MROH1: variants seen among roughly 807,000 people sequenced by gnomAD.
MROH1 encodes the protein maestro heat-like repeat-containing protein family member 1.
In MROH1, 117 loss-of-function variants were observed where a neutral mutation model predicts 116.5. That is an observed-to-expected ratio of 1.00 (90% CI 0.86 to 1.17). The LOEUF (loss-of-function observed/expected upper bound fraction) is 1.17, where lower values mean the gene tolerates loss of function less well. Ranked by LOEUF, MROH1 falls within the 50% of genes most tolerant of loss-of-function variation. The probability of loss-of-function intolerance (pLI) is 0.00; values close to 1 mark genes in which losing one functional copy is unlikely to be tolerated. For missense variants in MROH1, 1,873 were observed against 1,338.5 expected (o/e 1.40, Z -6.23); for synonymous variants, 921 against 583.9 (o/e 1.58, Z -8.32).
intron 12 of MROH1, among the ~76,000 whole-genome samples, chr8:144,210,644 G>A (rs1028892893): frequency 2.0e-5 from 3 of 151,998 alleles, no homozygotes; most frequent in African/African-American, 7.3e-5. Context: ...AGCCAAGATC[G>A]TGCCACTGCA....
chr8:144,244,257 C>G lies in MROH1; in HGVS notation c.2591C>G (p.Ala864Gly). 1 of 718,416 alleles carries G rather than the reference C, an allele frequency of 1.4e-6. No individual in the cohort carries two copies. Among genetic ancestry groups the G allele is most frequent in the South Asian group, 1.5e-5 (1 of 67,592 alleles). The allele number at this position is 718,416 out of a possible 1,614,324, so 44.5% of individuals were successfully genotyped here. Residue 864 changes from alanine (A) to glycine (G), a missense_variant, in exon 27 of 44, where the codon GCG becomes GGG. By Grantham distance (60) the Ala-to-Gly change is moderately conservative. Coordinates refer to ENST00000326134, the MANE Select transcript of MROH1 (RefSeq NM_032450.3). The part of the protein sequence containing the change: ...VEPALDEQAR[A>G]DVIHGCLHSI... ...CCAGCGCTGGACGAGCAGGCCCGGG[C>G]GGATGTGATCCATGGCTGCCTGCAC...
chr8:144,206,775 G>T (rs1832910265), intron 12 of MROH1, among the ~76,000 whole-genome samples: 1 of 150,882 alleles, frequency 6.6e-6, no homozygotes, highest in African/African-American at 2.4e-5. Flanking sequence ...GCTCACGCCT[G>T]TAATCCCAGA....
At chr8:144,160,092 A>C (rs1819147992) in intron 1 of MROH1, among the ~76,000 whole-genome samples, 1 of 152,146 alleles carries the variant, frequency 6.6e-6, no homozygotes, top group Admixed American at 6.6e-5. Context: ...TTTTGATTGG[A>C]TGCCAGGCGT....
At chr8:144,196,057 G>A (rs900419353) in intron 10 of MROH1, among the ~76,000 whole-genome samples, 6 of 151,842 alleles carry the variant, frequency 4.0e-5, no homozygotes, top group Admixed American at 2.0e-4. Flanking sequence ...TTGGGAGGCC[G>A]AGGCGGGCAA....
chr8:144,173,728 A>T (rs1444957043), intron 4 of MROH1, among the ~76,000 whole-genome samples: 1 of 152,038 alleles, frequency 6.6e-6, no homozygotes. Flanking sequence ...CAGCCATAGG[A>T]TTCTTCTTCT....
intron 3 of MROH1, among the ~76,000 whole-genome samples, 159 bp downstream of exon 3, chr8:144,164,007 G>A (rs986807378): frequency 1.3e-5 from 2 of 152,030 alleles, no homozygotes; most frequent in Non-Finnish European, 2.9e-5. Flanking sequence ...TGATGTGGCA[G>A]GTGTAGACTT....
At chr8:144,190,763 T>A (rs1242296563) in intron 7 of MROH1, 21 bp from the exon 8 acceptor site, 1 of 1,608,994 alleles carries the variant, frequency 6.2e-7, no homozygotes, top group African/African-American at 1.3e-5. Flanking sequence ...TGCAGCCACT[T>A]ACCACTGGCC....
chr8:144,212,188 A>T (rs1236068399), intron 12 of MROH1, among the ~76,000 whole-genome samples: 2 of 151,944 alleles, frequency 1.3e-5, no homozygotes, highest in Admixed American at 6.6e-5. Flanking sequence ...GGCTTAAGGG[A>T]TCCTCCTGTC....
chr8:144,188,384 C>T (rs1011945676), intron 7 of MROH1, among the ~76,000 whole-genome samples: 10 of 151,528 alleles, frequency 6.6e-5, no homozygotes, highest in South Asian at 2.1e-4. Context: ...TGGCCCTCTG[C>T]ACCACATGTG....
At chr8:144,157,198 C>T (rs1476392338) in intron 1 of MROH1, among the ~76,000 whole-genome samples, 3 of 151,894 alleles carry the variant, frequency 2.0e-5, no homozygotes, top group Non-Finnish European at 1.5e-5. Context: ...CCTTATGATC[C>T]GCCTGCCTCA....
In MROH1 at chr8:144,255,556, C is replaced by G. The variant is rs781846870; in HGVS notation, c.3642C>G (p.Pro1214=). The change falls in exon 35 of 44, where the codon CCC becomes CCG. Residue 1214 remains proline, a synonymous_variant. Transcript: ENST00000326134. ...FEVMSTPAAG[P]AVLELYPQLF... is the part of the protein sequence containing the mutation. The stretch of plus-strand genomic sequence containing the variant: ...TCATGTCCACGCCTGCAGCGGGGCC[C>G]GCGGTGCTCGAGCTCTACCCCCAGC... 1.3e-6 allele frequency: 1 copy of G among 779,140 alleles called. No homozygotes were observed. Among genetic ancestry groups the G allele is most frequent in the Non-Finnish European group, 2.4e-6 (1 of 417,778 alleles). 48.3% of individuals were successfully genotyped at this position (779,140 alleles called of 1,614,324 possible).
At chr8:144,231,489 C>A (rs1322824199) in intron 14 of MROH1, among the ~76,000 whole-genome samples, 1 of 152,130 alleles carries the variant, frequency 6.6e-6, no homozygotes, top group African/African-American at 2.4e-5. Flanking sequence ...GGACTAATTT[C>A]ATTATTGTTG....
intron 25 of MROH1, 66 bp from the exon 26 acceptor site, chr8:144,243,797 G>C: frequency 1.3e-6 from 1 of 746,850 alleles, no homozygotes; most frequent in Non-Finnish European, 2.5e-6. Context: ...CTGGGGGACA[G>C]AGCTTGACCA....
Position 144,180,578 on chromosome 8 carries a change from TC to T in MROH1, c.562+58del. 1.3e-6 allele frequency: 2 copies of T among 1,537,156 alleles called. No individual in the cohort carries two copies. The highest frequency in any genetic ancestry group is 1.8e-6 in the Non-Finnish European group (2 of 1,126,292). On this transcript the variant is annotated intron_variant, in intron 7 of 43. Coordinates refer to ENST00000326134, the MANE Select transcript of MROH1 (RefSeq NM_032450.3). This position sits in a 1 kb window ranked among gnomAD's most constrained non-coding sequence, Gnocchi z 7.4. ...CAAGTGCCCCTTTGTGGGGGGCTGT[TC>T]CCGGGCATGCCTGTTTTAGGGGGGA...
intron 12 of MROH1, among the ~76,000 whole-genome samples, chr8:144,219,667 A>G (rs11991199): frequency 0.074 from 11,236 of 152,182 alleles, 1,423 homozygotes; most frequent in African/African-American, 0.26. Flanking sequence ...ACAAGGGAGT[A>G]TACCAAACCC....
Position 144,260,323 on chromosome 8 carries a change from G to A in MROH1, c.4329G>A (p.Leu1443=). The change falls in exon 39 of 44, where the codon CTG becomes CTA. Residue 1443 remains leucine (L), a synonymous_variant. Coordinates refer to ENST00000326134, the MANE Select transcript of MROH1 (RefSeq NM_032450.3). ...RLVHLVESWD[L]RSGLLHVAIR... Reference sequence around the variant, plus strand: ...TGCACCTGGTGGAGTCCTGGGACCTGCGCTCAGGGCTGCTGCACGTGGCCA... The same window carrying A: ...TGCACCTGGTGGAGTCCTGGGACCTACGCTCAGGGCTGCTGCACGTGGCCA... 2 of 743,838 alleles carry A rather than the reference G, an allele frequency of 2.7e-6. No individual in the cohort carries two copies. The highest frequency in any genetic ancestry group is 2.5e-6 in the Non-Finnish European group (1 of 405,908). The allele number at this position is 743,838 out of a possible 1,614,324, so 46.1% of individuals were successfully genotyped here. A position where few individuals can be genotyped will look rare whatever the true frequency, so the allele number is the denominator to read the frequency against.
intron 14 of MROH1, among the ~76,000 whole-genome samples, chr8:144,228,112 G>GT (rs1157250561): frequency 2.0e-5 from 3 of 147,026 alleles, no homozygotes; most frequent in African/African-American, 7.6e-5. Flanking sequence ...GCATATGCCG[G>GT]TGGTCCCAGC....
chr8:144,199,668 C>G (rs1427247090), intron 11 of MROH1, among the ~76,000 whole-genome samples: 1 of 152,202 alleles, frequency 6.6e-6, no homozygotes, highest in Non-Finnish European at 1.5e-5. Context: ...GCCCTCATAG[C>G]CATCCTGGAG....
chr8:144,222,383 A>G (rs1328083908), intron 13 of MROH1, among the ~76,000 whole-genome samples: 2 of 152,098 alleles, frequency 1.3e-5, no homozygotes, highest in Admixed American at 6.5e-5. Context: ...ACTGGAGGAG[A>G]AGAATCCTTC....
Sources: gnomAD v4.1 joint callset for allele counts (sites outside exome capture counted in the v4.1 genomes callset) on GRCh38, gnomAD v4.1.1 for gene constraint, Gnocchi (gnomAD v3.1) non-coding constraint, MANE v1.5 for transcripts, NCBI Gene and HGNC (gene_info 2026-07-23, HGNC 2026-07-21) for gene names.